Variants in NR2F1-AS1 observed in about 807,000 individuals in gnomAD.
NR2F1-AS1 encodes NR2F1 antisense RNA 1.
At chr5:93,556,371 C>T (rs114117086) in intron 2 of NR2F1-AS1, among the ~76,000 whole-genome samples, 168 of 152,280 alleles carry the variant, frequency 1.1e-3, no homozygotes, top group Non-Finnish European at 1.6e-3. Context: ...TATGGACATA[C>T]GCACATATCA....
intron 4 of NR2F1-AS1, among the ~76,000 whole-genome samples, chr5:93,534,312 A>G (rs936709359): frequency 6.6e-6 from 1 of 152,346 alleles, no homozygotes; most frequent in African/African-American, 2.4e-5. Flanking sequence ...TTGGCTAGCA[A>G]ATAATAAAGT....
At chr5:93,575,276 C>T (rs1301138188) in intron 1 of NR2F1-AS1, among the ~76,000 whole-genome samples, 1 of 152,226 alleles carries the variant, frequency 6.6e-6, no homozygotes, top group Non-Finnish European at 1.5e-5. Context: ...ATGTCCTTTT[C>T]TGGATTATCA....
At chr5:93,574,173 C>T (rs1177900105) in intron 1 of NR2F1-AS1, among the ~76,000 whole-genome samples, 1 of 152,172 alleles carries the variant, frequency 6.6e-6, no homozygotes, top group Non-Finnish European at 1.5e-5. Flanking sequence ...CCTTTTGCCC[C>T]TCTAGACTGC....
intron 1 of NR2F1-AS1, among the ~76,000 whole-genome samples, chr5:93,567,650 T>A (rs1752648373): frequency 6.6e-6 from 1 of 152,062 alleles, no homozygotes; most frequent in African/African-American, 2.4e-5. Context: ...ATATACCAAA[T>A]CAGAGAGCAG....
chr5:93,462,003 C>A (rs1750104861), intron 4 of NR2F1-AS1, among the ~76,000 whole-genome samples: 1 of 152,124 alleles, frequency 6.6e-6, no homozygotes. Flanking sequence ...CACCAAAATC[C>A]ACTGGTTTGC....
At chr5:93,486,336 A>C (rs1225137293) in intron 4 of NR2F1-AS1, among the ~76,000 whole-genome samples, 1 of 152,056 alleles carries the variant, frequency 6.6e-6, no homozygotes, top group African/African-American at 2.4e-5. Flanking sequence ...TATCAACAAA[A>C]CAGACTGCTA....
intron 4 of NR2F1-AS1, among the ~76,000 whole-genome samples, chr5:93,524,548 A>ACAAT: frequency 6.6e-6 from 1 of 152,312 alleles, no homozygotes; most frequent in South Asian, 2.1e-4. Context: ...CCCAAGACAC[A>ACAAT]CAATCATCAG....
At chr5:93,466,904 T>TGGG (rs34396649) in intron 4 of NR2F1-AS1, among the ~76,000 whole-genome samples, 20 of 15,520 alleles carry the variant, frequency 1.3e-3, no homozygotes, top group East Asian at 0.012. Context: ...ATCCCTTTTT[T>TGGG]GGGGGGGGGG....
At chr5:93,514,813 T>C (rs954983481) in intron 4 of NR2F1-AS1, among the ~76,000 whole-genome samples, 1 of 152,036 alleles carries the variant, frequency 6.6e-6, no homozygotes, top group East Asian at 1.9e-4. Context: ...AAGGAGAATA[T>C]TGTTATTTCA....
At chr5:93,474,177 A>G (rs1352398563) in intron 4 of NR2F1-AS1, among the ~76,000 whole-genome samples, 10 of 152,196 alleles carry the variant, frequency 6.6e-5, no homozygotes, top group Admixed American at 6.5e-4. Context: ...AAAATTGTCA[A>G]TCTTATCACA....
rs1237838206 is a variant in NR2F1-AS1, at chr5:93,441,672, T to C, written n.639-46130A>G. 3.3e-5 allele frequency among the ~76,000 whole-genome samples: 5 copies of C among 152,340 alleles called. No homozygotes were observed. The East Asian group carries it at 7.7e-4, about 23-fold the overall frequency. On this transcript the variant is annotated intron_variant and non_coding_transcript_variant, in intron 4 of 5. Coordinates refer to ENST00000660523, the Ensembl canonical transcript of NR2F1-AS1. ...CATTCTACTTCAGAGTAAGAATAAG[T>C]ATAACATCACTGTGGAGATAAATCC...
At chr5:93,489,414 G>GGT (rs1750791151) in intron 4 of NR2F1-AS1, among the ~76,000 whole-genome samples, 1 of 150,778 alleles carries the variant, frequency 6.6e-6, no homozygotes, top group Non-Finnish European at 1.5e-5. Flanking sequence ...TTTTAATTAA[G>GGT]GTATATATAT....
rs1473156523 is a variant in NR2F1-AS1 at position 93,538,828 on chromosome 5, A to T, written n.638+14933T>A. 3.3e-5 allele frequency among the ~76,000 whole-genome samples: 5 copies of T among 152,342 alleles called. No individual in the cohort carries two copies. In the South Asian group the frequency reaches 8.3e-4, roughly 25 times the overall value. ...GTTTAGTGATGTTTTTATAATCAGA[A>T]ATATACCATAGGAACTGCCCCTTGT... On this transcript the variant is annotated intron_variant and non_coding_transcript_variant, in intron 4 of 5. Transcript: ENST00000660523.
chr5:93,532,274 G>A (rs1014898171), intron 4 of NR2F1-AS1, among the ~76,000 whole-genome samples: 7 of 151,730 alleles, frequency 4.6e-5, no homozygotes, highest in African/African-American at 1.5e-4. Context: ...TCAAATTTTG[G>A]ACTTCTGTCC....
chr5:93,454,778 T>G (rs1416841060), intron 4 of NR2F1-AS1, among the ~76,000 whole-genome samples: 1 of 152,046 alleles, frequency 6.6e-6, no homozygotes, highest in Non-Finnish European at 1.5e-5. Context: ...TGATGAAACC[T>G]CCATAACAAT....
chr5:93,581,453 ATT>A (rs1580353356), upstream of NR2F1-AS1, among the ~76,000 whole-genome samples: 1 of 152,116 alleles, frequency 6.6e-6, no homozygotes, highest in South Asian at 2.1e-4. Context: ...CATTGAAAGA[ATT>A]TTCAAAGTGC....
At chr5:93,420,584 T>C (rs530997177) in intron 4 of NR2F1-AS1, among the ~76,000 whole-genome samples, 2 of 152,244 alleles carry the variant, frequency 1.3e-5, no homozygotes, top group South Asian at 4.1e-4. Flanking sequence ...AAAAAAGGAT[T>C]TTTTTAAAGG....
intron 4 of NR2F1-AS1, among the ~76,000 whole-genome samples, chr5:93,469,531 A>G (rs967671156): frequency 6.6e-6 from 1 of 152,102 alleles, no homozygotes; most frequent in African/African-American, 2.4e-5. Flanking sequence ...CTCAGTAAAC[A>G]ATCACAGTAT....
At chr5:93,445,965 A>G (rs1166911882) in intron 4 of NR2F1-AS1, among the ~76,000 whole-genome samples, 1 of 152,232 alleles carries the variant, frequency 6.6e-6, no homozygotes, top group Admixed American at 6.5e-5. Flanking sequence ...GATTATCTCA[A>G]TAGATGCAGA....
Sources: allele counts gnomAD v4.1 joint callset (sites outside exome capture counted in the v4.1 genomes callset), GRCh38; gene constraint gnomAD v4.1.1; transcripts MANE v1.5; gene names NCBI Gene and HGNC (gene_info 2026-07-23, HGNC 2026-07-21).